Variants in WDR43 observed in about 807,000 individuals in gnomAD.
WDR43 encodes the protein WD repeat domain 43.
WDR43 carries 13 observed loss-of-function variants against 91.4 expected under a neutral mutation model. The observed-to-expected ratio is 0.14, with a 90% confidence interval of 0.09 to 0.23. The LOEUF (loss-of-function observed/expected upper bound fraction) is 0.23. WDR43 is among the 10% of genes least tolerant of loss of function. The pLI, the probability that WDR43 is intolerant of heterozygous loss-of-function variation, is 1.00. For missense variants in WDR43, 780 were observed against 809.4 expected (o/e 0.96, Z 0.44); for synonymous variants, 331 against 287.9 (o/e 1.15, Z -1.51).
chr2:28,907,862 C>T (rs1034427478), intron 3 of WDR43, among the ~76,000 whole-genome samples: 2 of 150,866 alleles, frequency 1.3e-5, no homozygotes, highest in African/African-American at 4.9e-5. Context: ...CAAGATCACG[C>T]CACTGCACTC....
intron 14 of WDR43, among the ~76,000 whole-genome samples, chr2:28,938,841 G>C (rs67612857): frequency 0.26 from 39,082 of 152,072 alleles, 6,257 homozygotes; most frequent in East Asian, 0.77. Flanking sequence ...GGGGTTGAGA[G>C]AAACAACAGA....
At chr2:28,918,771 A>G (rs1670965170) in intron 6 of WDR43, among the ~76,000 whole-genome samples, 1 of 152,040 alleles carries the variant, frequency 6.6e-6, no homozygotes, top group South Asian at 2.1e-4. Flanking sequence ...AAAGGATTAA[A>G]CCTGTTGTCA....
At chr2:28,906,649 A>AGTT in intron 3 of WDR43, 68 bp downstream of exon 3, 1 of 1,545,612 alleles carries the variant, frequency 6.5e-7, no homozygotes, top group South Asian at 1.2e-5. Flanking sequence ...TGGGGAATGC[A>AGTT]GACATTAATA....
chr2:28,917,803 T>C, intron 5 of WDR43, 90 bp from the exon 6 acceptor site: 2 of 1,109,110 alleles, frequency 1.8e-6, no homozygotes, highest in Admixed American at 2.6e-5. Flanking sequence ...GAATCTCATG[T>C]GCTGATCTCC....
intron 3 of WDR43, among the ~76,000 whole-genome samples, chr2:28,907,919 C>G (rs905832099): frequency 1.3e-5 from 2 of 149,420 alleles, no homozygotes; most frequent in East Asian, 3.9e-4. Context: ...AAAAAAGCCA[C>G]TGCAGGTCAG....
intron 11 of WDR43, among the ~76,000 whole-genome samples, chr2:28,934,125 A>G (rs536467900): frequency 6.6e-6 from 1 of 152,342 alleles, no homozygotes; most frequent in African/African-American, 2.4e-5. Context: ...AATATAAGTA[A>G]TGTGTTATTA....
At chr2:28,925,354 T>C (rs1362153701) in intron 8 of WDR43, among the ~76,000 whole-genome samples, 3 of 152,194 alleles carry the variant, frequency 2.0e-5, no homozygotes, top group Admixed American at 1.3e-4. Context: ...TTTAAAGCAT[T>C]GTTTGAGTTA....
intron 1 of WDR43, chr2:28,895,689 C>T (rs558273745): frequency 6.6e-6 from 1 of 152,338 alleles, no homozygotes; most frequent in East Asian, 1.9e-4. Context: ...AGATGGAAAA[C>T]TGCCGAGTTA....
At chr2:28,930,108 C>T (rs192506648) in intron 11 of WDR43, 120 of 471,386 alleles carry the variant, frequency 2.5e-4, no homozygotes, top group African/African-American at 2.1e-3. Context: ...TTATTTCCCC[C>T]TGGCCGTGAG....
At chr2:28,923,362 G>T (rs1194782421) in intron 7 of WDR43, among the ~76,000 whole-genome samples, 1 of 152,184 alleles carries the variant, frequency 6.6e-6, no homozygotes, top group Non-Finnish European at 1.5e-5. Flanking sequence ...ATTGTTGTCA[G>T]GTTGTGTAGC....
rs3087649 is a variant in WDR43, at chr2:28,946,746, T to C, written c.2001T>C (p.Asp667=). ...ASEKELNGDS[D]LDPENESEEE is the part of the protein sequence containing the mutation. The stretch of plus-strand genomic sequence containing the variant: ...AAAAAGAATTAAATGGAGATTCTGA[T>C]TTAGATCCTGAAAATGAAAGTGAAG... Residue 667 remains aspartate, a synonymous_variant, in exon 18 of 18, where the codon GAT becomes GAC. Coordinates refer to ENST00000407426, the MANE Select transcript of WDR43 (RefSeq NM_015131.3). 0.72 allele frequency: 1,141,341 copies of C among 1,585,026 alleles called. 411,532 individuals carry two copies. The highest frequency in any genetic ancestry group is 0.86 in the East Asian group (37,676 of 43,774).
At chr2:28,908,981 G>T (rs1670738501) in intron 3 of WDR43, among the ~76,000 whole-genome samples, 1 of 151,644 alleles carries the variant, frequency 6.6e-6, no homozygotes, top group South Asian at 2.1e-4. Context: ...ATAATTGCTT[G>T]GTTTTCATTT....
intron 10 of WDR43, chr2:28,928,010 G>T (rs762369720): frequency 4.3e-6 from 1 of 232,516 alleles, no homozygotes; most frequent in South Asian, 6.9e-5. Flanking sequence ...ATTGGGTTTC[G>T]CATGTTGCTG....
chr2:28,925,944 T>C (rs1436672545), intron 8 of WDR43, among the ~76,000 whole-genome samples: 2 of 152,190 alleles, frequency 1.3e-5, no homozygotes, highest in African/African-American at 4.8e-5. Context: ...TATAGAATTA[T>C]GTATCACTTT....
intron 12 of WDR43, 140 bp downstream of exon 12, chr2:28,935,747 CA>C (rs58846266): frequency 0.042 from 10,109 of 242,426 alleles, 447 homozygotes; most frequent in African/African-American, 0.17. Flanking sequence ...GTACTTTAGA[CA>C]AAAAAAAAAA....
chr2:28,895,401 C>G (rs765340624), intron 1 of WDR43: 3 of 154,306 alleles, frequency 1.9e-5, no homozygotes, highest in Middle Eastern at 3.1e-3. Context: ...CTCCTGCCCC[C>G]CCTTTGGGTG....
At chr2:28,919,662 A>G (rs1326607505) in intron 6 of WDR43, among the ~76,000 whole-genome samples, 1 of 152,092 alleles carries the variant, frequency 6.6e-6, no homozygotes, top group Non-Finnish European at 1.5e-5. Flanking sequence ...TCTCAAAAAA[A>G]AAAACAAACT....
chr2:28,897,023 A>G (rs1010765627), intron 1 of WDR43, among the ~76,000 whole-genome samples: 32 of 152,180 alleles, frequency 2.1e-4, no homozygotes, highest in Non-Finnish European at 4.3e-4. Context: ...TCAAGCCTTA[A>G]TAACCAATAA....
chr2:28,915,090 A>G (rs1670880492), intron 5 of WDR43, among the ~76,000 whole-genome samples: 1 of 152,144 alleles, frequency 6.6e-6, no homozygotes, highest in South Asian at 2.1e-4. Context: ...CATGCTCTTC[A>G]CCATATAAAG....
Sources: gnomAD v4.1 joint callset for allele counts (sites outside exome capture counted in the v4.1 genomes callset) on GRCh38, gnomAD v4.1.1 for gene constraint, MANE v1.5 for transcripts, NCBI Gene and HGNC (gene_info 2026-07-23, HGNC 2026-07-21) for gene names.